Variants in JPH3 observed in about 807,000 individuals in gnomAD.
The protein encoded by JPH3 is junctophilin-3.
In JPH3, 11 loss-of-function variants were observed where a neutral mutation model predicts 59.6. The ratio of observed to expected loss-of-function variants is 0.18; its 90% confidence interval spans 0.12 to 0.31. The LOEUF (loss-of-function observed/expected upper bound fraction) is 0.31, where lower values mean the gene tolerates loss of function less well. JPH3 is among the 10% of genes least tolerant of loss of function. The probability of loss-of-function intolerance (pLI) is 1.00; values close to 1 mark genes in which losing one functional copy is unlikely to be tolerated. For synonymous variants in JPH3, 673 were observed against 483.6 expected (o/e 1.39, Z -5.14); for missense variants, 1,202 against 1,105.7 (o/e 1.09, Z -1.24).
At chr16:87,675,039 C>T (rs1432298954) in intron 2 of JPH3, among the ~76,000 whole-genome samples, 1 of 151,998 alleles carries the variant, frequency 6.6e-6, no homozygotes, top group African/African-American at 2.4e-5. Flanking sequence ...TGGGATTACA[C>T]GTGTGAGCCA....
intron 1 of JPH3, among the ~76,000 whole-genome samples, chr16:87,630,330 C>G (rs2031525073): frequency 6.6e-6 from 1 of 152,214 alleles, no homozygotes. Flanking sequence ...CACCCTGCCA[C>G]AATCATCTTC....
At chr16:87,671,177 G>A (rs1007234388) in intron 2 of JPH3, among the ~76,000 whole-genome samples, 1 of 152,160 alleles carries the variant, frequency 6.6e-6, no homozygotes, top group Admixed American at 6.5e-5. Flanking sequence ...GGGGTCTTTG[G>A]AGCTTCAGCC....
At chr16:87,667,328 A>T (rs1417707697) in intron 2 of JPH3, among the ~76,000 whole-genome samples, 1 of 152,206 alleles carries the variant, frequency 6.6e-6, no homozygotes. Flanking sequence ...TATTCTGAGG[A>T]TTAGGACGTG....
intron 3 of JPH3, among the ~76,000 whole-genome samples, chr16:87,689,189 C>T (rs1412502073): frequency 6.6e-6 from 1 of 152,194 alleles, no homozygotes; most frequent in South Asian, 2.1e-4. Flanking sequence ...GTCCCAGCAC[C>T]CTGAGACACA....
At chr16:87,691,540 G>A (rs1015076582) in intron 4 of JPH3, among the ~76,000 whole-genome samples, 5 of 152,118 alleles carry the variant, frequency 3.3e-5, no homozygotes, top group South Asian at 2.1e-4. Context: ...TCGACGCTGC[G>A]GCAGGGGTCG....
intron 2 of JPH3, among the ~76,000 whole-genome samples, chr16:87,649,291 C>G (rs767215491): frequency 3.0e-4 from 45 of 152,218 alleles, no homozygotes; most frequent in Non-Finnish European, 5.6e-4. Context: ...TAGCAGTGCA[C>G]CACAGGGCAT....
chr16:87,632,040 C>A (rs1392585385), intron 1 of JPH3, among the ~76,000 whole-genome samples: 1 of 152,128 alleles, frequency 6.6e-6, no homozygotes, highest in African/African-American at 2.4e-5. Flanking sequence ...CAAGGCTTCT[C>A]CTTGTGTCTG....
intron 1 of JPH3, among the ~76,000 whole-genome samples, chr16:87,615,725 A>G (rs573529357): frequency 1.3e-5 from 2 of 152,358 alleles, no homozygotes; most frequent in South Asian, 4.1e-4. Context: ...AGGGTCACAC[A>G]GCCAGGGCCA....
intron 1 of JPH3, among the ~76,000 whole-genome samples, chr16:87,609,351 C>G (rs149894290): frequency 6.6e-6 from 1 of 152,330 alleles, no homozygotes; most frequent in African/African-American, 2.4e-5. Flanking sequence ...ATTGCAACCT[C>G]TGCCTCCTGG....
intron 2 of JPH3, among the ~76,000 whole-genome samples, chr16:87,672,209 G>A (rs1010463965): frequency 1.3e-5 from 2 of 152,124 alleles, no homozygotes; most frequent in Non-Finnish European, 2.9e-5. Flanking sequence ...CAGCAAGGAG[G>A]GGGAGATCAA....
chr16:87,695,785 G>A, intron 4 of JPH3: 1 of 456,084 alleles, frequency 2.2e-6, no homozygotes, highest in Non-Finnish European at 4.4e-6. Context: ...AATCACTGCA[G>A]AAGGGCGCCC....
intron 1 of JPH3, among the ~76,000 whole-genome samples, chr16:87,607,169 A>G (rs1425200877): frequency 1.3e-5 from 2 of 152,214 alleles, no homozygotes. Context: ...GGGCAAACCC[A>G]TACACTGCCC....
chr16:87,603,046 A>G lies in JPH3; in HGVS notation c.-101A>G. Reference sequence around the variant, plus strand: ...GGGGCCGCGTCCTCCTCTCCTCCGGAAAACGCTCGCGACCCAGGGCCGCCG... The same window carrying G: ...GGGGCCGCGTCCTCCTCTCCTCCGGGAAACGCTCGCGACCCAGGGCCGCCG... On this transcript the variant is annotated 5_prime_UTR_variant, in exon 1 of 5. Coordinates refer to ENST00000284262, the MANE Select transcript of JPH3 (RefSeq NM_020655.4). 4 of 1,480,274 alleles carry G rather than the reference A, an allele frequency of 2.7e-6. No individual in the cohort carries two copies. The highest frequency in any genetic ancestry group is 3.7e-6 in the Non-Finnish European group (4 of 1,094,786). 91.7% of individuals were successfully genotyped at this position (1,480,274 alleles called of 1,614,324 possible).
At chr16:87,671,371 C>T (rs1236410326) in intron 2 of JPH3, among the ~76,000 whole-genome samples, 2 of 152,222 alleles carry the variant, frequency 1.3e-5, no homozygotes, top group African/African-American at 4.8e-5. Flanking sequence ...CCTGGTTGGT[C>T]AGGGCTGGGC....
At chr16:87,641,609 C>T (rs1374758937) in intron 1 of JPH3, among the ~76,000 whole-genome samples, 2 of 152,248 alleles carry the variant, frequency 1.3e-5, no homozygotes, top group African/African-American at 4.8e-5. Flanking sequence ...TTCACAGGAT[C>T]CCCAGCTCAG....
chr16:87,608,996 C>T (rs1320270652), intron 1 of JPH3, among the ~76,000 whole-genome samples: 2 of 152,236 alleles, frequency 1.3e-5, no homozygotes, highest in African/African-American at 4.8e-5. Flanking sequence ...AAGATGGTGC[C>T]ACTGCACTCC....
chr16:87,613,382 G>A (rs1025596767), intron 1 of JPH3, among the ~76,000 whole-genome samples: 1 of 151,518 alleles, frequency 6.6e-6, no homozygotes, highest in Admixed American at 6.6e-5. Flanking sequence ...TACAGGTAGC[G>A]TGAACTCAGC....
intron 4 of JPH3, chr16:87,695,746 C>T (rs1171004699): frequency 4.4e-6 from 2 of 456,062 alleles, no homozygotes; most frequent in Non-Finnish European, 8.8e-6. Flanking sequence ...CTGGTGTGAG[C>T]AGAACACAGC....
At chr16:87,685,715 C>G (rs1276557264) in intron 3 of JPH3, among the ~76,000 whole-genome samples, 6 of 152,260 alleles carry the variant, frequency 3.9e-5, no homozygotes, top group African/African-American at 1.4e-4. Context: ...CAACCCTGGC[C>G]CATGGTCGCC....
Sources: allele counts gnomAD v4.1 joint callset (sites outside exome capture counted in the v4.1 genomes callset), GRCh38; gene constraint gnomAD v4.1.1; transcripts MANE v1.5; gene names NCBI Gene and HGNC (gene_info 2026-07-23, HGNC 2026-07-21).